The following HYDIN variants were observed in gnomAD, a reference collection of about 807,000 sequenced individuals.
HYDIN encodes the protein axonemal central pair apparatus protein HYDIN.
A neutral mutation model predicts 403.9 loss-of-function variants in HYDIN; 132 were observed. The observed-to-expected ratio is 0.33, with a 90% CI of 0.28 to 0.38. HYDIN has a LOEUF of 0.38. HYDIN is among the 10% of genes least tolerant of loss of function. The pLI is 1.00. For missense variants in HYDIN, 2,827 were observed against 5,009.5 expected, an observed-to-expected ratio of 0.56 and a Z score of 13.15; for synonymous variants, 1,202 against 1,891.7, an observed-to-expected ratio of 0.64 and a Z score of 9.46.
chr16:71,010,654 G>A (rs972727400), intron 23 of HYDIN, among the ~76,000 whole-genome samples: 7 of 152,178 alleles, frequency 4.6e-5, no homozygotes, highest in African/African-American at 1.7e-4. Context: ...ACATGGGGCA[G>A]GTGGCTGAGC....
chr16:70,837,809 C>A lies in HYDIN; in HGVS notation c.13123G>T (p.Glu4375Ter), dbSNP rs1023037199. 1 of 1,613,810 alleles carries A rather than the reference C, an allele frequency of 6.2e-7. No individual in the cohort carries two copies. Among genetic ancestry groups the A allele is most frequent in the Non-Finnish European group, 8.5e-7 (1 of 1,179,854 alleles). The change falls in exon 77 of 86, where the codon GAG (glutamate) becomes TAG (stop). Residue 4375 changes from glutamate (E) to a stop codon, truncating the protein, a stop_gained. Transcript: ENST00000393567. LOFTEE classifies it high-confidence loss of function. The part of the protein sequence containing the change: ...VDVVKPGNTL[E>*]IPITFYPRES... ...CGAGGATAAAAAGTTATTGGAATCTCCAATGTGTTTCCTGGCTTTACCACA... is the reference window on the plus strand; with the variant it reads ...CGAGGATAAAAAGTTATTGGAATCTACAATGTGTTTCCTGGCTTTACCACA...
At chr16:71,169,813 A>G (rs2144624601) in intron 5 of HYDIN, among the ~76,000 whole-genome samples, 1 of 152,334 alleles carries the variant, frequency 6.6e-6, no homozygotes, top group Admixed American at 6.5e-5. Flanking sequence ...TGTTCTCACT[A>G]CAAAAAAAAT....
chr16:71,056,129 T>A (rs1049580415), intron 18 of HYDIN, among the ~76,000 whole-genome samples: 2 of 145,994 alleles, frequency 1.4e-5, no homozygotes, highest in African/African-American at 5.0e-5. Context: ...TGAGATTTGT[T>A]TTTTTTTTTT....
chr16:71,028,587 C>T (rs1476533510), intron 19 of HYDIN, among the ~76,000 whole-genome samples: 41 of 150,664 alleles, frequency 2.7e-4, no homozygotes, highest in Non-Finnish European at 3.2e-4. Flanking sequence ...TCCCCACAGG[C>T]TTACTTTAAA....
intron 25 of HYDIN, among the ~76,000 whole-genome samples, chr16:70,989,328 G>A (rs2079272332): frequency 6.6e-6 from 1 of 152,128 alleles, no homozygotes; most frequent in Non-Finnish European, 1.5e-5. Flanking sequence ...GTGAACCACT[G>A]TTTCTGGCCT....
At chr16:71,211,961 T>A (rs1051116484) in intron 1 of HYDIN, among the ~76,000 whole-genome samples, 2 of 152,140 alleles carry the variant, frequency 1.3e-5, no homozygotes, top group Admixed American at 6.5e-5. Flanking sequence ...ATACAGCAAT[T>A]CTGTAAAACA....
At chr16:71,012,191 AT>A (rs2080110182) in intron 23 of HYDIN, among the ~76,000 whole-genome samples, 1 of 152,304 alleles carries the variant, frequency 6.6e-6, no homozygotes, top group Non-Finnish European at 1.5e-5. Flanking sequence ...GCCATGAAGC[AT>A]TGTGTTGTTA....
intron 30 of HYDIN, among the ~76,000 whole-genome samples, chr16:70,976,233 G>C: frequency 6.6e-6 from 1 of 152,238 alleles, no homozygotes; most frequent in East Asian, 1.9e-4. Flanking sequence ...GCTTGGATCT[G>C]GTTGGCTCTA....
chr16:70,890,440 T>C (rs1485839426), intron 57 of HYDIN, among the ~76,000 whole-genome samples: 1 of 152,090 alleles, frequency 6.6e-6, no homozygotes. Context: ...TTATAAATTG[T>C]AAAAAAATTC....
chr16:71,098,763 G>A (rs1236782342), intron 10 of HYDIN, among the ~76,000 whole-genome samples: 12 of 139,302 alleles, frequency 8.6e-5, no homozygotes, highest in Non-Finnish European at 1.5e-4. Flanking sequence ...AAAAGGAGAT[G>A]TGTTGTAATA....
intron 13 of HYDIN, among the ~76,000 whole-genome samples, chr16:71,078,995 C>G (rs1391656997): frequency 6.6e-6 from 1 of 152,166 alleles, no homozygotes; most frequent in Non-Finnish European, 1.5e-5. Flanking sequence ...TAAGTACTCA[C>G]CAATGGGATA....
chr16:70,928,150 T>C (rs1271960797), intron 45 of HYDIN, among the ~76,000 whole-genome samples: 1 of 152,084 alleles, frequency 6.6e-6, no homozygotes, highest in Admixed American at 6.6e-5. Flanking sequence ...TGTTTGTGCA[T>C]TAAAAAATAT....
At chr16:70,872,832 A>G (rs1423092665) in intron 64 of HYDIN, among the ~76,000 whole-genome samples, 5 of 149,056 alleles carry the variant, frequency 3.4e-5, no homozygotes, top group Non-Finnish European at 7.4e-5. Flanking sequence ...CCATCCATAT[A>G]TCCATCCATC....
intron 19 of HYDIN, among the ~76,000 whole-genome samples, chr16:71,029,162 T>C (rs1355244928): frequency 4.6e-5 from 7 of 152,112 alleles, no homozygotes; most frequent in Non-Finnish European, 1.0e-4. Context: ...ACAAATATTT[T>C]AGGCTTTTTG....
Position 70,979,103 on chromosome 16 carries a change from T to C in HYDIN, c.4511-62A>G, listed in dbSNP as rs545361421. 3,809 of 1,408,452 alleles carry C rather than the reference T, an allele frequency of 2.7e-3. 8 individuals are homozygous for C. Among genetic ancestry groups the C allele is most frequent in the Non-Finnish European group, 3.4e-3 (3,473 of 1,014,982 alleles). The allele number at this position is 1,408,452 out of a possible 1,614,324, so 87.2% of individuals were successfully genotyped here. On this transcript the variant is annotated intron_variant, in intron 29 of 85. Transcript: ENST00000393567. ...CAGAATCAGGAAGGTCAGAAAAATA[T>C]GAATGATGTCGCAAACACAGACCCT... is the stretch of plus-strand genomic sequence containing the variant.
chr16:71,046,895 T>C (rs1168085118), intron 18 of HYDIN, among the ~76,000 whole-genome samples: 1 of 152,150 alleles, frequency 6.6e-6, no homozygotes, highest in Non-Finnish European at 1.5e-5. Context: ...ATAATGACCA[T>C]GACAGCCATC....
At chr16:71,211,328 G>C (rs1269006907) in intron 1 of HYDIN, among the ~76,000 whole-genome samples, 1 of 152,122 alleles carries the variant, frequency 6.6e-6, no homozygotes, top group Non-Finnish European at 1.5e-5. Flanking sequence ...AGATGCTGAG[G>C]TACCTGGTAA....
rs1026948919 is a variant in HYDIN, at chr16:70,807,513, T to C, written c.*67A>G. ...CAGTTCCTTTAGAATTCTTATTGTT[T>C]TCTCTATTCTTTTTCAGGCTAAGAC... is the stretch of plus-strand genomic sequence containing the variant. On this transcript the variant is annotated 3_prime_UTR_variant, in exon 86 of 86. Coordinates refer to ENST00000393567, the MANE Select transcript of HYDIN (RefSeq NM_001270974.2). 3.2e-5 allele frequency: 48 copies of C among 1,491,590 alleles called. 1 individual carries two copies. The Middle Eastern group carries it at 5.4e-4, about 17-fold the overall frequency. The allele number at this position is 1,491,590 out of a possible 1,614,324, so 92.4% of individuals were successfully genotyped here.
chr16:70,910,277 A>G (rs1169707156), intron 47 of HYDIN, among the ~76,000 whole-genome samples: 1 of 151,898 alleles, frequency 6.6e-6, no homozygotes, highest in Admixed American at 6.6e-5. Context: ...CCATTGTATC[A>G]TTCTTATGCC....
Sources: allele counts gnomAD v4.1 joint callset (sites outside exome capture counted in the v4.1 genomes callset), GRCh38; gene constraint gnomAD v4.1.1; transcripts MANE v1.5; gene names NCBI Gene and HGNC (gene_info 2026-07-23, HGNC 2026-07-21).